SNX8: variants seen among roughly 807,000 people sequenced by gnomAD.
The protein encoded by SNX8 is sorting nexin 8, also known as sorting nexin-8.
In SNX8, 25 loss-of-function variants were observed where a neutral mutation model predicts 51.6. The ratio of observed to expected loss-of-function variants is 0.48; its 90% confidence interval spans 0.35 to 0.68. SNX8 has a LOEUF of 0.68. SNX8 is among the 30% of genes least tolerant of loss of function. The probability of loss-of-function intolerance (pLI) is 0.00; values close to 1 mark genes in which losing one functional copy is unlikely to be tolerated. For missense variants in SNX8, 695 were observed against 624.0 expected, an observed-to-expected ratio of 1.11 and a Z score of -1.21; for synonymous variants, 324 against 277.0, an observed-to-expected ratio of 1.17 and a Z score of -1.68.
chr7:2,261,343 G>T (rs78815574), intron 7 of SNX8, among the ~76,000 whole-genome samples: 1 of 152,232 alleles, frequency 6.6e-6, no homozygotes, highest in African/African-American at 2.4e-5. Flanking sequence ...TGAGGCAGGA[G>T]AATCGCTTGA....
chr7:2,299,157 T>TACAAA (rs1796337365), intron 1 of SNX8, among the ~76,000 whole-genome samples: 1 of 151,860 alleles, frequency 6.6e-6, no homozygotes, highest in South Asian at 2.1e-4. Flanking sequence ...CGCCTGAGGT[T>TACAAA]CCGTGGATGA....
chr7:2,353,609 AC>A (rs1779216672), intron 1 of SNX8, among the ~76,000 whole-genome samples: 1 of 152,104 alleles, frequency 6.6e-6, no homozygotes, highest in East Asian at 1.9e-4. Flanking sequence ...AGTTTAGTAT[AC>A]AGTTCAGTGG....
At chr7:2,311,749 A>G (rs896818314) in intron 1 of SNX8, among the ~76,000 whole-genome samples, 13 of 152,072 alleles carry the variant, frequency 8.5e-5, no homozygotes, top group African/African-American at 3.1e-4. Context: ...CATCCTGGCT[A>G]ACATGGTGAA....
intron 1 of SNX8, among the ~76,000 whole-genome samples, chr7:2,292,045 C>T (rs1361798232): frequency 6.6e-6 from 1 of 152,232 alleles, no homozygotes; most frequent in Non-Finnish European, 1.5e-5. Context: ...GGATGGATCA[C>T]CTGAGGTCAG....
At chr7:2,295,520 C>T (rs1472722462) in intron 1 of SNX8, among the ~76,000 whole-genome samples, 1 of 143,360 alleles carries the variant, frequency 7.0e-6, no homozygotes, top group Non-Finnish European at 1.5e-5. Flanking sequence ...GCCTGGCCAA[C>T]ATGGTGAAAC....
At chr7:2,298,691 T>G (rs1390658212) in intron 1 of SNX8, among the ~76,000 whole-genome samples, 1 of 150,456 alleles carries the variant, frequency 6.6e-6, no homozygotes, top group Non-Finnish European at 1.5e-5. Context: ...TTTGTTTTTG[T>G]TTTTTGTTTT....
At chr7:2,315,965 C>G (rs1054959578), upstream of SNX8, among the ~76,000 whole-genome samples, 3 of 150,486 alleles carry the variant, frequency 2.0e-5, no homozygotes, top group Admixed American at 2.0e-4. Flanking sequence ...CACTCACTCA[C>G]TGCTTCTTCA....
At chr7:2,274,966 G>T in intron 3 of SNX8, 146 bp downstream of exon 3, 1 of 636,400 alleles carries the variant, frequency 1.6e-6, no homozygotes, top group Non-Finnish European at 2.8e-6. Flanking sequence ...CCACAGCTCT[G>T]TCCCAGATGC....
chr7:2,308,910 C>T (rs1259460641), intron 1 of SNX8, among the ~76,000 whole-genome samples: 1 of 151,670 alleles, frequency 6.6e-6, no homozygotes. Context: ...CCACCTCAGC[C>T]TCCCGAGTAG....
intron 1 of SNX8, among the ~76,000 whole-genome samples, chr7:2,308,106 C>G (rs1796586794): frequency 6.6e-6 from 1 of 151,804 alleles, no homozygotes; most frequent in Non-Finnish European, 1.5e-5. Flanking sequence ...AGTTTAAAGA[C>G]CAGTAACAAA....
At chr7:2,305,693 CT>C in intron 1 of SNX8, among the ~76,000 whole-genome samples, 1 of 151,562 alleles carries the variant, frequency 6.6e-6, no homozygotes, top group East Asian at 2.0e-4. Context: ...TTATTAAATA[CT>C]TTACACATGC....
At chr7:2,295,026 G>A (rs1407133775) in intron 1 of SNX8, among the ~76,000 whole-genome samples, 1 of 152,000 alleles carries the variant, frequency 6.6e-6, no homozygotes, top group Non-Finnish European at 1.5e-5. Flanking sequence ...ATAAGACCCT[G>A]TCTCCTAAAA....
Position 2,267,523 on chromosome 7 carries a change from G to A in SNX8, c.621+2036C>T, listed in dbSNP as rs1445876295. ...GAGACGGGGTTTCGCTGTGTTGGCC[G>A]GGCCGGTCTCCAGCCCCTAACCGCG... On this transcript the variant is annotated intron_variant, in intron 5 of 10. Coordinates refer to ENST00000222990, the MANE Select transcript of SNX8 (RefSeq NM_013321.4). Among the ~76,000 whole-genome samples the A allele has an allele frequency of 8.4e-5, 11 of 130,602 alleles. No individual in the cohort carries two copies. In the South Asian group the frequency reaches 8.4e-4, roughly 10 times the overall value. The allele number at this position is 130,602 out of a possible 152,430, so 85.7% of individuals were successfully genotyped here.
intron 1 of SNX8, among the ~76,000 whole-genome samples, chr7:2,350,254 C>T (rs972447132): frequency 6.6e-6 from 1 of 152,150 alleles, no homozygotes; most frequent in Non-Finnish European, 1.5e-5. Flanking sequence ...GGCCTAGAGA[C>T]GTTGAGGCTC....
chr7:2,351,646 C>G (rs979967007), intron 1 of SNX8, among the ~76,000 whole-genome samples: 7 of 151,746 alleles, frequency 4.6e-5, no homozygotes, highest in African/African-American at 1.7e-4. Flanking sequence ...TCCTGACTAA[C>G]AGGATGAAAC....
chr7:2,302,619 G>A (rs1260039255), intron 1 of SNX8, among the ~76,000 whole-genome samples: 1 of 151,788 alleles, frequency 6.6e-6, no homozygotes, highest in Non-Finnish European at 1.5e-5. Flanking sequence ...AAAGTGAGGA[G>A]CGTCTCTGCC....
chr7:2,273,510 C>T (rs998286689), intron 3 of SNX8, among the ~76,000 whole-genome samples: 6 of 150,586 alleles, frequency 4.0e-5, no homozygotes, highest in Admixed American at 6.6e-5. Context: ...GGCGTGAACC[C>T]GGCAGGCGGA....
intron 1 of SNX8, among the ~76,000 whole-genome samples, chr7:2,345,413 C>G (rs1426521178): frequency 1.3e-5 from 2 of 152,122 alleles, no homozygotes; most frequent in Non-Finnish European, 2.9e-5. Context: ...CAGTGGCTCA[C>G]ATACTTGTAA....
chr7:2,287,758 A>G (rs559578988), intron 1 of SNX8, among the ~76,000 whole-genome samples: 11 of 151,920 alleles, frequency 7.2e-5, no homozygotes, highest in Non-Finnish European at 1.3e-4. Context: ...GTCTCAAACA[A>G]AAACAAAAAT....
Sources: gnomAD v4.1 joint callset for allele counts (sites outside exome capture counted in the v4.1 genomes callset) on GRCh38, gnomAD v4.1.1 for gene constraint, MANE v1.5 for transcripts, NCBI Gene and HGNC (gene_info 2026-07-23, HGNC 2026-07-21) for gene names.